Variants in AGAP1 observed in about 807,000 individuals in gnomAD.
The protein encoded by AGAP1 is ArfGAP with GTPase domain, ankyrin repeat and PH domain 1.
AGAP1 carries 29 observed loss-of-function variants against 105.3 expected under a neutral mutation model. The ratio of observed to expected loss-of-function variants is 0.28; its 90% confidence interval spans 0.21 to 0.38. The LOEUF (loss-of-function observed/expected upper bound fraction) is 0.38, where lower values mean the gene tolerates loss of function less well. AGAP1 is among the 10% of genes least tolerant of loss of function. The probability of loss-of-function intolerance (pLI) is 1.00; values close to 1 mark genes in which losing one functional copy is unlikely to be tolerated. For missense variants in AGAP1, 998 were observed against 1,165.1 expected, an observed-to-expected ratio of 0.86 and a Z score of 2.09; for synonymous variants, 509 against 485.9, an observed-to-expected ratio of 1.05 and a Z score of -0.63.
At chr2:235,516,123 A>G (rs1194195037) in intron 1 of AGAP1, among the ~76,000 whole-genome samples, 6 of 145,866 alleles carry the variant, frequency 4.1e-5, no homozygotes, top group African/African-American at 8.0e-5. Context: ...ACTCTCCCTC[A>G]CCTGTGCTTC....
chr2:235,877,764 C>T lies in AGAP1; in HGVS notation c.1051-5581C>T, dbSNP rs761973785. 2.0e-5 allele frequency among the ~76,000 whole-genome samples: 3 copies of T among 152,198 alleles called. No homozygotes were observed. The highest frequency in any genetic ancestry group is 4.4e-5 in the Non-Finnish European group (3 of 68,036). ...AGGTTTCCCTTGCATCTCAAATTTG[C>T]TCAGACCGTCTGGGGATCTTGTTAC... On this transcript the variant is annotated intron_variant, in intron 9 of 17. Transcript: ENST00000304032. The surrounding 1 kb of genome is among the most constrained non-coding windows in gnomAD (Gnocchi z 4.3).
intron 1 of AGAP1, among the ~76,000 whole-genome samples, chr2:235,606,303 C>G (rs560590393): frequency 6.6e-6 from 1 of 152,288 alleles, no homozygotes; most frequent in African/African-American, 2.4e-5. Context: ...CAGCAGACCG[C>G]TGAGAGCCGA....
At chr2:235,813,095 A>G (rs1958247566) in intron 9 of AGAP1, among the ~76,000 whole-genome samples, 1 of 152,224 alleles carries the variant, frequency 6.6e-6, no homozygotes, top group African/African-American at 2.4e-5. Flanking sequence ...TGTCATTGCC[A>G]GAACAGTCCA....
intron 16 of AGAP1, among the ~76,000 whole-genome samples, chr2:236,068,822 T>G (rs1450492479): frequency 7.4e-6 from 1 of 135,678 alleles, no homozygotes; most frequent in African/African-American, 2.8e-5. Context: ...AAAAAAAAAA[T>G]TTATCCTAAA....
intron 6 of AGAP1, among the ~76,000 whole-genome samples, chr2:235,778,516 ACTCG>A (rs200710871): frequency 0.032 from 4,778 of 151,346 alleles, 106 homozygotes; most frequent in Non-Finnish European, 0.047. Flanking sequence ...CCCCTCACTC[ACTCG>A]CTCCTTATCT....
In AGAP1 at chr2:235,751,705, G is replaced by C. The variant is rs1375142497; in HGVS notation, c.673+1217G>C. On this transcript the variant is annotated intron_variant, in intron 6 of 17. Transcript: ENST00000304032. The surrounding 1 kb of genome is among the most constrained non-coding windows in gnomAD (Gnocchi z 5.3). ...CTGGAGCAGTGAGGTTCCTTTCTAA[G>C]CCTGCCGTCTCTTCCCGCGCATCTC... Among the ~76,000 whole-genome samples, 2 of 152,152 alleles carry C rather than the reference G, an allele frequency of 1.3e-5. No homozygotes were observed. Among genetic ancestry groups the C allele is most frequent in the Non-Finnish European group, 2.9e-5 (2 of 68,042 alleles).
rs2056180336 is a variant in AGAP1 at position 236,002,837 on chromosome 2, G to A, written c.1646-33724G>A. 6.6e-6 allele frequency among the ~76,000 whole-genome samples: 1 copy of A among 152,002 alleles called. No homozygotes were observed. Among genetic ancestry groups the A allele is most frequent in the African/African-American group, 2.4e-5 (1 of 41,380 alleles). ...ATATTTCTTGCGTTGAATTCAGTAT[G>A]TGCTCAAGTTAAGTGTGATTTGAAA... On this transcript the variant is annotated intron_variant, in intron 13 of 17. Coordinates refer to ENST00000304032, the MANE Select transcript of AGAP1 (RefSeq NM_001037131.3). The surrounding 1 kb of genome is among the most constrained non-coding windows in gnomAD (Gnocchi z 4.3).
At chr2:235,647,878 G>A (rs987775209) in intron 1 of AGAP1, among the ~76,000 whole-genome samples, 1 of 152,010 alleles carries the variant, frequency 6.6e-6, no homozygotes, top group Admixed American at 6.6e-5. Context: ...TGTCCTTACT[G>A]TAGACCATCA....
chr2:235,892,625 T>A (rs2050597959), intron 10 of AGAP1, among the ~76,000 whole-genome samples: 1 of 151,740 alleles, frequency 6.6e-6, no homozygotes, highest in Non-Finnish European at 1.5e-5. Context: ...AGCTCGTGGC[T>A]GTGCTCAGTG....
rs1301482947 is a variant in AGAP1 at position 235,934,904 on chromosome 2, C to G, written c.1483+3981C>G. Among the ~76,000 whole-genome samples the G allele has an allele frequency of 1.3e-5, 2 of 152,154 alleles. No individual in the cohort carries two copies. Among genetic ancestry groups the G allele is most frequent in the Non-Finnish European group, 2.9e-5 (2 of 68,032 alleles). ...TCACTGTTTCTCCGCCCCCCGTCCA[C>G]CCTAAATTAAGACTTTGGCTCTGGA... On this transcript the variant is annotated intron_variant, in intron 12 of 17. Coordinates refer to ENST00000304032, the MANE Select transcript of AGAP1 (RefSeq NM_001037131.3). This position sits in a 1 kb window ranked among gnomAD's most constrained non-coding sequence, Gnocchi z 4.9.
At chr2:236,079,056 C>G (rs578258995) in intron 16 of AGAP1, among the ~76,000 whole-genome samples, 2 of 152,276 alleles carry the variant, frequency 1.3e-5, no homozygotes, top group Admixed American at 6.5e-5. Flanking sequence ...GATCTACACC[C>G]CTGCCTGGTG....
chr2:235,532,208 C>G (rs1386106098), intron 1 of AGAP1, among the ~76,000 whole-genome samples: 1 of 152,108 alleles, frequency 6.6e-6, no homozygotes, highest in African/African-American at 2.4e-5. Context: ...TTTTGTTTTT[C>G]TACCTTTGTA....
intron 1 of AGAP1, among the ~76,000 whole-genome samples, chr2:235,661,274 A>G (rs1947939966): frequency 6.6e-6 from 1 of 151,492 alleles, no homozygotes; most frequent in South Asian, 2.1e-4. Flanking sequence ...GAGGGAGGAG[A>G]GGCAGGCTGT....
At chr2:236,093,110 A>G (rs2059106078) in intron 16 of AGAP1, among the ~76,000 whole-genome samples, 1 of 152,228 alleles carries the variant, frequency 6.6e-6, no homozygotes, top group Non-Finnish European at 1.5e-5. Context: ...AACAGAGAGG[A>G]TGAGGGAACT....
intron 9 of AGAP1, among the ~76,000 whole-genome samples, chr2:235,850,133 C>G (rs1962019472): frequency 6.6e-6 from 1 of 152,178 alleles, no homozygotes; most frequent in Non-Finnish European, 1.5e-5. Flanking sequence ...GTGCTGTGGA[C>G]AAATTCCGGC....
chr2:235,800,008 GT>G (rs769278775), intron 8 of AGAP1, among the ~76,000 whole-genome samples: 10 of 151,976 alleles, frequency 6.6e-5, no homozygotes, highest in Non-Finnish European at 1.3e-4. Flanking sequence ...CTCCACTTGG[GT>G]TTTTTGCTGT....
At chr2:235,618,389 G>A (rs1419188210) in intron 1 of AGAP1, among the ~76,000 whole-genome samples, 4 of 152,158 alleles carry the variant, frequency 2.6e-5, no homozygotes, top group Admixed American at 2.6e-4. Flanking sequence ...TTGTCATGGG[G>A]CACCTGGTCT....
rs1284578518 is a variant in AGAP1 at position 235,596,664 on chromosome 2, G to C, written c.163+101815G>C. Among the ~76,000 whole-genome samples the C allele has an allele frequency of 6.6e-6, 1 of 152,188 alleles. No individual in the cohort carries two copies. Among genetic ancestry groups the C allele is most frequent in the Non-Finnish European group, 1.5e-5 (1 of 68,024 alleles). On this transcript the variant is annotated intron_variant, in intron 1 of 17. Coordinates refer to ENST00000304032, the MANE Select transcript of AGAP1 (RefSeq NM_001037131.3). This position sits in a 1 kb window ranked among gnomAD's most constrained non-coding sequence, Gnocchi z 5.9. ...GAAGATGTTGTTAAATTTATTTTTA[G>C]AATAATAGACTTTTAGATAGAAGAG...
chr2:236,022,036 G>A (rs2056900415), intron 13 of AGAP1, among the ~76,000 whole-genome samples: 1 of 140,052 alleles, frequency 7.1e-6, no homozygotes, highest in African/African-American at 2.8e-5. Flanking sequence ...TCCAGTCTGG[G>A]CGACAGAGAC....
Sources: gnomAD v4.1 joint callset for allele counts (sites outside exome capture counted in the v4.1 genomes callset) on GRCh38, gnomAD v4.1.1 for gene constraint, Gnocchi (gnomAD v3.1) non-coding constraint, MANE v1.5 for transcripts, NCBI Gene and HGNC (gene_info 2026-07-23, HGNC 2026-07-21) for gene names.